The following ZDHHC15 variants were observed in gnomAD, a reference collection of about 807,000 sequenced individuals.
ZDHHC15 encodes palmitoyltransferase ZDHHC15.
Under a neutral mutation model 31.7 loss-of-function variants are expected in ZDHHC15, and 19 were observed. The ratio of observed to expected loss-of-function variants is 0.60; its 90% confidence interval spans 0.42 to 0.88. The LOEUF (loss-of-function observed/expected upper bound fraction) is 0.88, where lower values mean the gene tolerates loss of function less well. ZDHHC15 is among the 40% of genes least tolerant of loss of function. The pLI, the probability that ZDHHC15 is intolerant of heterozygous loss-of-function variation, is 0.00. For missense variants in ZDHHC15, 209 were observed against 251.2 expected, an observed-to-expected ratio of 0.83 and a Z score of 1.14; for synonymous variants, 103 against 90.0, an observed-to-expected ratio of 1.14 and a Z score of -0.82.
At chrX:75,448,723 T>C (rs769121324) in intron 4 of ZDHHC15, among the ~76,000 whole-genome samples, 15 of 111,225 alleles carry the variant, frequency 1.3e-4, no homozygotes, top group Admixed American at 3.9e-4. Context: ...GTGGAGAGTA[T>C]GGCTTAAGGA....
At chrX:75,479,920 T>G (rs778912122) in intron 2 of ZDHHC15, among the ~76,000 whole-genome samples, 2 of 111,972 alleles carry the variant, frequency 1.8e-5, no homozygotes, top group African/African-American at 6.5e-5. Context: ...CTGAGACAGT[T>G]ATAAAAGTGG....
At position 75,442,985 on chromosome X, in the gene ZDHHC15, C is replaced by CAAA. The variant is rs1321633891; in HGVS notation, c.379+7814_379+7816dup. On this transcript the variant is annotated intron_variant, in intron 4 of 11. Transcript: ENST00000373367. ...TGGGCGACAGAGCGAGACTCCGTCT[C>CAAA]AAAAAAAAAAAAAAAAAAGAAAAAA... Among the ~76,000 whole-genome samples, 4 of 43,836 alleles carry CAAA rather than the reference C, an allele frequency of 9.1e-5. 1 individual carries two copies. Among genetic ancestry groups the CAAA allele is most frequent in the African/African-American group, 3.0e-4 (4 of 13,168 alleles). The allele number at this position is 43,836 out of a possible 115,157, so 38.1% of individuals were successfully genotyped here.
chrX:75,498,424 G>T (rs908179022), intron 2 of ZDHHC15, among the ~76,000 whole-genome samples: 3 of 111,693 alleles, frequency 2.7e-5, no homozygotes, highest in African/African-American at 9.8e-5. Flanking sequence ...TCCAGATCTG[G>T]TCAATGAATG....
chrX:75,496,534 C>G (rs1237969503), intron 2 of ZDHHC15, among the ~76,000 whole-genome samples: 1 of 111,523 alleles, frequency 9.0e-6, no homozygotes, highest in East Asian at 2.8e-4. Flanking sequence ...GAATATTCTA[C>G]CAAACTACTG....
intron 3 of ZDHHC15, 73 bp downstream of exon 3, chrX:75,478,818 G>T: frequency 8.9e-6 from 7 of 784,731 alleles, no homozygotes; most frequent in Admixed American, 5.9e-5. Context: ...TCCTCTTTTT[G>T]TCCTCTTCTT....
chrX:75,449,197 TCTATACACACACACACACACACAC>T (rs1289131913), intron 4 of ZDHHC15, among the ~76,000 whole-genome samples: 3 of 36,053 alleles, frequency 8.3e-5, no homozygotes, highest in East Asian at 7.1e-4. Context: ...TCTCTCTCTC[TCTATACACACACACACACACACAC>T]ACACACACAC....
intron 8 of ZDHHC15, among the ~76,000 whole-genome samples, chrX:75,424,250 C>T (rs2083684504): frequency 9.1e-6 from 1 of 110,228 alleles, no homozygotes; most frequent in South Asian, 3.9e-4. Flanking sequence ...TTTAGATGTG[C>T]ATAATAAATT....
intron 2 of ZDHHC15, among the ~76,000 whole-genome samples, chrX:75,498,672 G>T (rs1224493155): frequency 8.9e-6 from 1 of 111,739 alleles, no homozygotes; most frequent in African/African-American, 3.3e-5. Context: ...CCATGCTCAT[G>T]GATGGGTAGA....
chrX:75,384,215 A>G (rs1401334390), intron 10 of ZDHHC15: 4 of 445,318 alleles, frequency 9.0e-6, no homozygotes, highest in African/African-American at 2.5e-5. Flanking sequence ...ATATGTAATC[A>G]AAAGTATACA....
At chrX:75,379,774 G>C (rs914768353) in intron 10 of ZDHHC15, among the ~76,000 whole-genome samples, 1 of 111,839 alleles carries the variant, frequency 8.9e-6, no homozygotes, top group African/African-American at 3.2e-5. Flanking sequence ...TAATATACTT[G>C]GCATTTTGAG....
chrX:75,413,558 G>C lies in ZDHHC15; in HGVS notation c.967+3529C>G, dbSNP rs182606247. On this transcript the variant is annotated intron_variant, in intron 10 of 11. Coordinates refer to ENST00000373367, the MANE Select transcript of ZDHHC15 (RefSeq NM_144969.3). Reference sequence around the variant, plus strand: ...CGCATGCCTATAGTCTCAGCTACTTGGGAGGCTGAGGCAGGAGAGTCACTT... The same window carrying C: ...CGCATGCCTATAGTCTCAGCTACTTCGGAGGCTGAGGCAGGAGAGTCACTT... Among the ~76,000 whole-genome samples the C allele has an allele frequency of 8.1e-4, 90 of 110,659 alleles. 1 individual carries two copies. The highest frequency in any genetic ancestry group is 2.5e-3 in the African/African-American group (75 of 30,449).
At chrX:75,416,654 GT>G (rs932180632) in intron 10 of ZDHHC15, among the ~76,000 whole-genome samples, 2 of 111,541 alleles carry the variant, frequency 1.8e-5, no homozygotes, top group African/African-American at 3.3e-5. Context: ...CTATCTTTTA[GT>G]TTTTAGTGTA....
At chrX:75,475,961 G>C (rs2084597097) in intron 3 of ZDHHC15, among the ~76,000 whole-genome samples, 1 of 111,116 alleles carries the variant, frequency 9.0e-6, no homozygotes, top group African/African-American at 3.3e-5. Context: ...AGTATTTTAT[G>C]TTTTTGGTGC....
chrX:75,416,695 T>C (rs1460921408), intron 10 of ZDHHC15, among the ~76,000 whole-genome samples: 1 of 111,670 alleles, frequency 9.0e-6, no homozygotes, highest in African/African-American at 3.2e-5. Context: ...AGAGTGAGTA[T>C]AGGATTTTAA....
intron 2 of ZDHHC15, among the ~76,000 whole-genome samples, chrX:75,481,995 T>C (rs931867703): frequency 8.9e-6 from 1 of 112,017 alleles, no homozygotes; most frequent in Non-Finnish European, 1.9e-5. Context: ...AGCTAGACCT[T>C]GTTTTTCAGC....
intron 2 of ZDHHC15, among the ~76,000 whole-genome samples, chrX:75,486,391 T>C (rs2084777796): frequency 8.9e-6 from 1 of 112,143 alleles, no homozygotes; most frequent in Non-Finnish European, 1.9e-5. Flanking sequence ...GGCCACAGAA[T>C]GAAAAAAGCT....
rs182749016 is a variant in ZDHHC15, at chrX:75,381,696, C to T, written c.968-2498G>A. ...GTATCTTACCTCTCTAAGACTGTAG[C>T]CCACAACCACAATGTCCACCCTATG... On this transcript the variant is annotated intron_variant, in intron 10 of 11. Transcript: ENST00000373367. Among the ~76,000 whole-genome samples, 104 of 111,648 alleles carry T rather than the reference C, an allele frequency of 9.3e-4. 1 individual carries two copies. The highest frequency in any genetic ancestry group is 3.3e-3 in the African/African-American group (102 of 30,759).
chrX:75,454,551 C>T (rs2084182851), intron 3 of ZDHHC15, among the ~76,000 whole-genome samples: 1 of 111,553 alleles, frequency 9.0e-6, no homozygotes, highest in African/African-American at 3.3e-5. Flanking sequence ...GTCCCACCAA[C>T]AGTGTAAAAG....
chrX:75,518,337 C>T (rs1297887730), intron 1 of ZDHHC15, among the ~76,000 whole-genome samples: 1 of 110,714 alleles, frequency 9.0e-6, no homozygotes, highest in Non-Finnish European at 1.9e-5. Flanking sequence ...TAGACATTTT[C>T]CCAAAGAAGA....
Sources: gnomAD v4.1 joint callset for allele counts (sites outside exome capture counted in the v4.1 genomes callset) on GRCh38, gnomAD v4.1.1 for gene constraint, MANE v1.5 for transcripts, NCBI Gene and HGNC (gene_info 2026-07-23, HGNC 2026-07-21) for gene names.